Variants in UGT1A9 observed in about 807,000 individuals in gnomAD.
UGT1A9 encodes the protein UDP glucuronosyltransferase family 1 member A9.
A neutral mutation model predicts 45.0 loss-of-function variants in UGT1A9; 35 were observed. The observed-to-expected ratio is 0.78, with a 90% CI of 0.59 to 1.03. The LOEUF is 1.03. Ranked by LOEUF, UGT1A9 falls within the 50% of genes least tolerant of loss-of-function variation. The pLI is 0.00. For missense variants in UGT1A9, 687 were observed against 666.6 expected (o/e 1.03, Z -0.34); for synonymous variants, 278 against 250.6 (o/e 1.11, Z -1.03).
chr2:233,711,473 A>G (rs1385646486), intron 1 of UGT1A9, among the ~76,000 whole-genome samples: 1 of 152,182 alleles, frequency 6.6e-6, no homozygotes, highest in Non-Finnish European at 1.5e-5. Flanking sequence ...TCAGAGGCTG[A>G]GATGTTGCAC....
At chr2:233,672,826 C>T (rs371764696) in intron 1 of UGT1A9, 37 bp downstream of exon 1, 9 of 1,571,838 alleles carry the variant, frequency 5.7e-6, no homozygotes, top group Non-Finnish European at 7.8e-6. Context: ...AAGAATACTT[C>T]ACCTTTGGAA....
intron 1 of UGT1A9, among the ~76,000 whole-genome samples, chr2:233,717,241 CA>C (rs2076559700): frequency 6.6e-6 from 1 of 152,144 alleles, no homozygotes; most frequent in African/African-American, 2.4e-5. Context: ...AAGATGCAGA[CA>C]GTTTTAAGGG....
At chr2:233,729,184 C>T (rs1420145173) in intron 1 of UGT1A9, 1 of 1,613,974 alleles carries the variant, frequency 6.2e-7, no homozygotes, top group East Asian at 2.2e-5. Context: ...GCTGCTTCTC[C>T]TCAGTGTCCA....
intron 1 of UGT1A9, chr2:233,761,067 T>C (rs1431222562): frequency 6.2e-7 from 1 of 1,614,228 alleles, no homozygotes; most frequent in African/African-American, 1.3e-5. Flanking sequence ...GAAGTGACTT[T>C]GTGAAGGATT....
At chr2:233,762,729 T>G (rs1012866470) in intron 1 of UGT1A9, among the ~76,000 whole-genome samples, 22 of 152,030 alleles carry the variant, frequency 1.4e-4, no homozygotes, top group Non-Finnish European at 3.2e-4. Context: ...TTTTTTTTTT[T>G]GGTCACTACT....
intron 1 of UGT1A9, among the ~76,000 whole-genome samples, chr2:233,757,242 G>C (rs889678436): frequency 2.7e-5 from 4 of 149,670 alleles, no homozygotes; most frequent in African/African-American, 9.9e-5. Flanking sequence ...GTGGTGGTGA[G>C]GTGGGGTTAT....
At chr2:233,672,966 C>T (rs1002609299) in intron 1 of UGT1A9, among the ~76,000 whole-genome samples, 177 bp downstream of exon 1, 3 of 152,144 alleles carry the variant, frequency 2.0e-5, no homozygotes, top group Admixed American at 1.3e-4. Flanking sequence ...TATAAAACTG[C>T]CCTTCTTGAA....
At chr2:233,758,381 C>CTTATGTGT (rs1159437642) in intron 1 of UGT1A9, among the ~76,000 whole-genome samples, 1 of 152,202 alleles carries the variant, frequency 6.6e-6, no homozygotes, top group East Asian at 1.9e-4. Context: ...ACAGTGGTGA[C>CTTATGTGT]TTATGTGTTT....
At chr2:233,734,786 A>T (rs2078566040) in intron 1 of UGT1A9, among the ~76,000 whole-genome samples, 1 of 152,216 alleles carries the variant, frequency 6.6e-6, no homozygotes, top group Non-Finnish European at 1.5e-5. Context: ...GTAGTCATTC[A>T]GGAGCAGGTT....
intron 1 of UGT1A9, chr2:233,708,819 G>A (rs2076042400): frequency 6.7e-6 from 1 of 148,988 alleles, no homozygotes; most frequent in Non-Finnish European, 1.5e-5. Flanking sequence ...CCAAATTCTT[G>A]ACTCAGTGAA....
intron 1 of UGT1A9, among the ~76,000 whole-genome samples, chr2:233,710,586 G>A (rs947455751): frequency 4.6e-5 from 7 of 152,000 alleles, no homozygotes; most frequent in African/African-American, 1.2e-4. Flanking sequence ...AAAATCTTCC[G>A]CACACCTTTA....
intron 1 of UGT1A9, chr2:233,690,443 C>G (rs7608175): frequency 0.4 from 516,894 of 1,281,456 alleles, 105,680 homozygotes; most frequent in South Asian, 0.45. Flanking sequence ...GGTCTCTCCT[C>G]TATTCAAAAT....
chr2:233,678,404 T>C (rs1317749782), intron 1 of UGT1A9, among the ~76,000 whole-genome samples: 1 of 152,102 alleles, frequency 6.6e-6, no homozygotes, highest in Non-Finnish European at 1.5e-5. Flanking sequence ...GGAGTAGATG[T>C]TGATTTTGCT....
intron 4 of UGT1A9, among the ~76,000 whole-genome samples, chr2:233,772,017 G>T (rs1484729268): frequency 7.9e-5 from 12 of 152,188 alleles, no homozygotes; most frequent in African/African-American, 9.7e-5. Context: ...GGAGGCTGAG[G>T]CAGGAGGATG....
intron 1 of UGT1A9, among the ~76,000 whole-genome samples, chr2:233,720,591 T>C (rs1428416416): frequency 6.6e-6 from 1 of 152,064 alleles, no homozygotes; most frequent in Non-Finnish European, 1.5e-5. Context: ...ATTTCAGAGG[T>C]GACTTTCATT....
intron 1 of UGT1A9, among the ~76,000 whole-genome samples, chr2:233,728,414 C>A (rs186918599): frequency 1.4e-4 from 22 of 152,310 alleles, no homozygotes; most frequent in African/African-American, 4.8e-4. Flanking sequence ...CTTTAGATAG[C>A]AGCACCTCTT....
At position 233,772,561 on chromosome 2, in the gene UGT1A9, A is replaced by C. The variant is rs1287050195; in HGVS notation, c.*2A>C. On this transcript the variant is annotated 3_prime_UTR_variant, in exon 5 of 5. Transcript: ENST00000354728. ...GCCCACAAATCCAAGACCCATTGAG[A>C]AGTGGGTGGGAAATAAGGTAAAATT... The C allele has an allele frequency of 1.2e-6, 2 of 1,613,586 alleles. No individual in the cohort carries two copies. Among genetic ancestry groups the C allele is most frequent in the Non-Finnish European group, 1.7e-6 (2 of 1,179,766 alleles).
At chr2:233,738,562 T>A (rs1039423006) in intron 1 of UGT1A9, among the ~76,000 whole-genome samples, 1 of 152,186 alleles carries the variant, frequency 6.6e-6, no homozygotes, top group Admixed American at 6.5e-5. Context: ...AGATGAGGAA[T>A]CTGTTGAGAA....
intron 1 of UGT1A9, among the ~76,000 whole-genome samples, chr2:233,741,104 C>CA (rs1259061877): frequency 6.6e-6 from 1 of 151,798 alleles, no homozygotes; most frequent in South Asian, 2.1e-4. Context: ...AACAGACAAT[C>CA]AAGCTTTACA....
Sources: gnomAD v4.1 joint callset for allele counts (sites outside exome capture counted in the v4.1 genomes callset) on GRCh38, gnomAD v4.1.1 for gene constraint, MANE v1.5 for transcripts, NCBI Gene and HGNC (gene_info 2026-07-23, HGNC 2026-07-21) for gene names.